The following CREBBP variants were observed in gnomAD, a reference collection of about 807,000 sequenced individuals.
CREBBP encodes CREB-binding protein.
CREBBP carries 19 observed loss-of-function variants against 265.0 expected under a neutral mutation model. The observed-to-expected ratio is 0.07, with a 90% CI of 0.05 to 0.11. The LOEUF is 0.11. Ranked by LOEUF, CREBBP falls within the 10% of genes least tolerant of loss-of-function variation. The probability of loss-of-function intolerance (pLI) is 1.00; values close to 1 mark genes in which losing one functional copy is unlikely to be tolerated. For synonymous variants in CREBBP, 1,457 were observed against 1,223.7 expected, an observed-to-expected ratio of 1.19 and a Z score of -3.98; for missense variants, 2,525 against 3,219.0, an observed-to-expected ratio of 0.78 and a Z score of 5.22.
chr16:3,802,148 T>G (rs1295761384), intron 3 of CREBBP, among the ~76,000 whole-genome samples: 1 of 107,726 alleles, frequency 9.3e-6, no homozygotes, highest in African/African-American at 3.4e-5. Context: ...TTTTTTTTTT[T>G]TGTGACAGAG....
At chr16:3,785,063 G>A (rs1406743995) in intron 5 of CREBBP, among the ~76,000 whole-genome samples, 1 of 152,222 alleles carries the variant, frequency 6.6e-6, no homozygotes, top group African/African-American at 2.4e-5. Context: ...TGAATTTGAA[G>A]TCCAAATGAT....
chr16:3,830,485 A>C (rs1013204774), intron 2 of CREBBP, among the ~76,000 whole-genome samples: 1 of 152,194 alleles, frequency 6.6e-6, no homozygotes, highest in African/African-American at 2.4e-5. Flanking sequence ...AAAGGAGATA[A>C]AGACAAAGAA....
At chr16:3,767,533 C>A (rs2052883977) in intron 16 of CREBBP, 187 bp downstream of exon 16, 1 of 738,862 alleles carries the variant, frequency 1.4e-6, no homozygotes, top group Non-Finnish European at 2.2e-6. Flanking sequence ...ATGAGCCCCA[C>A]AGGCACAGGG....
chr16:3,776,733 C>A (rs545723073), intron 11 of CREBBP, among the ~76,000 whole-genome samples: 1 of 152,260 alleles, frequency 6.6e-6, no homozygotes, highest in Non-Finnish European at 1.5e-5. Flanking sequence ...AAAAAGCTGG[C>A]CGGGTGCAGT....
chr16:3,806,713 CT>C (rs2053837788), intron 3 of CREBBP, among the ~76,000 whole-genome samples: 1 of 152,136 alleles, frequency 6.6e-6, no homozygotes, highest in Non-Finnish European at 1.5e-5. Context: ...GCTAAAGTGG[CT>C]TCAACTTCCT....
intron 21 of CREBBP, among the ~76,000 whole-genome samples, chr16:3,749,290 C>T (rs570200507): frequency 6.6e-6 from 1 of 152,244 alleles, no homozygotes; most frequent in African/African-American, 2.4e-5. Flanking sequence ...CTAGTACTAC[C>T]CCACCAAATA....
At chr16:3,831,978 C>T (rs575587820) in intron 2 of CREBBP, among the ~76,000 whole-genome samples, 105 of 149,858 alleles carry the variant, frequency 7.0e-4, no homozygotes, top group African/African-American at 2.2e-3. Flanking sequence ...GCCTGGGCAA[C>T]GGAGTGAGAC....
intron 3 of CREBBP, among the ~76,000 whole-genome samples, chr16:3,801,626 C>T (rs112649972): frequency 1.4e-4 from 22 of 152,116 alleles, no homozygotes; most frequent in African/African-American, 4.8e-4. Context: ...GCAGAGATTG[C>T]GCCACTGCAC....
chr16:3,866,558 C>T (rs371918992), intron 1 of CREBBP, among the ~76,000 whole-genome samples: 1 of 152,064 alleles, frequency 6.6e-6, no homozygotes, highest in East Asian at 1.9e-4. Context: ...TAAAACAATA[C>T]AAAAACATAT....
rs2052945156 is a variant in CREBBP at position 3,769,434 on chromosome 16, A to G, written c.2881-81T>C. 7 of 1,530,348 alleles carry G rather than the reference A, an allele frequency of 4.6e-6. No individual in the cohort carries two copies. The Admixed American group carries it at 6.7e-5, about 15-fold the overall frequency. 94.8% of individuals were successfully genotyped at this position (1,530,348 alleles called of 1,614,324 possible). A position where few individuals can be genotyped will look rare whatever the true frequency, so the allele number is the denominator to read the frequency against. ...CAACTATGCTGCTCATGCAACCTAC[A>G]ATTTCCCATTAACATTTCTCAATAC... On this transcript the variant is annotated intron_variant, in intron 14 of 30. Coordinates refer to ENST00000262367, the MANE Select transcript of CREBBP (RefSeq NM_004380.3).
At chr16:3,746,296 G>T (rs1477212707) in intron 21 of CREBBP, among the ~76,000 whole-genome samples, 2 of 151,890 alleles carry the variant, frequency 1.3e-5, no homozygotes. Flanking sequence ...ACCCTCATCT[G>T]GCTTCTCTGC....
rs1391569370 is a variant in CREBBP, at chr16:3,726,196, C to A, written c.*1522G>T. The A allele has an allele frequency of 4.4e-6, 1 of 228,006 alleles. No homozygotes were observed. Among genetic ancestry groups the A allele is most frequent in the Non-Finnish European group, 8.5e-6 (1 of 117,150 alleles). The allele number at this position is 228,006 out of a possible 1,614,324, so 14.1% of individuals were successfully genotyped here. ...TGGGGGGAAGTCAGAAAGCACCTCG[C>A]GAGCCTGGAGCACTCTCTGCCTCAG... On this transcript the variant is annotated 3_prime_UTR_variant, in exon 31 of 31. Coordinates refer to ENST00000262367, the MANE Select transcript of CREBBP (RefSeq NM_004380.3).
intron 1 of CREBBP, among the ~76,000 whole-genome samples, chr16:3,854,779 G>A (rs1041526591): frequency 2.6e-5 from 4 of 152,192 alleles, no homozygotes; most frequent in African/African-American, 9.7e-5. Context: ...GGCTGCCCCT[G>A]CAGAACAGAC....
intron 3 of CREBBP, among the ~76,000 whole-genome samples, chr16:3,802,267 A>C (rs947708025): frequency 1.3e-5 from 2 of 150,926 alleles, no homozygotes; most frequent in Non-Finnish European, 3.0e-5. Flanking sequence ...AAGTAGCTGG[A>C]CTTACAGACG....
intron 2 of CREBBP, among the ~76,000 whole-genome samples, chr16:3,839,663 C>T (rs904898321): frequency 8.6e-6 from 1 of 116,054 alleles, no homozygotes; most frequent in African/African-American, 3.4e-5. Flanking sequence ...ACCTAGACAA[C>T]AAGAGTGAAA....
At chr16:3,810,477 TG>T in intron 3 of CREBBP, 125 bp downstream of exon 3, 1 of 1,094,834 alleles carries the variant, frequency 9.1e-7, no homozygotes, top group Non-Finnish European at 1.4e-6. Context: ...ATGAGAAATC[TG>T]GGTTCTCTTC....
chr16:3,745,588 C>T, intron 21 of CREBBP: 1 of 557,092 alleles, frequency 1.8e-6, no homozygotes, highest in Non-Finnish European at 3.2e-6. Flanking sequence ...TCTTTTCTCC[C>T]AATCTCCCTT....
intron 1 of CREBBP, among the ~76,000 whole-genome samples, chr16:3,855,325 T>G (rs1039152415): frequency 1.3e-5 from 2 of 152,222 alleles, no homozygotes; most frequent in East Asian, 1.9e-4. Context: ...TGGAGTGCAG[T>G]GGCACGATCC....
At chr16:3,740,696 C>G in intron 23 of CREBBP, 147 bp from the exon 24 acceptor site, 1 of 959,586 alleles carries the variant, frequency 1.0e-6, no homozygotes, top group African/African-American at 1.6e-5. Flanking sequence ...TCTAATCTGT[C>G]CTGTGACACG....
Sources: allele counts gnomAD v4.1 joint callset (sites outside exome capture counted in the v4.1 genomes callset), GRCh38; gene constraint gnomAD v4.1.1; transcripts MANE v1.5; gene names NCBI Gene and HGNC (gene_info 2026-07-23, HGNC 2026-07-21).